The following ASIC2 variants were observed in gnomAD, a reference collection of about 807,000 sequenced individuals.
The protein encoded by ASIC2 is acid-sensing ion channel 2.
ASIC2 carries 25 observed loss-of-function variants against 57.3 expected under a neutral mutation model. That is an observed-to-expected ratio of 0.44 (90% CI 0.32 to 0.61). The LOEUF (loss-of-function observed/expected upper bound fraction) is 0.61, where lower values mean the gene tolerates loss of function less well. Among genes scored for constraint, ASIC2 ranks in the 20% least tolerant of loss-of-function variants. ASIC2 has a pLI of 0.06. For missense variants in ASIC2, 641 were observed against 738.1 expected, an observed-to-expected ratio of 0.87 and a Z score of 1.52; for synonymous variants, 319 against 307.5, an observed-to-expected ratio of 1.04 and a Z score of -0.39.
chr17:34,045,702 G>A (rs981627956), intron 1 of ASIC2, among the ~76,000 whole-genome samples: 9 of 152,236 alleles, frequency 5.9e-5, no homozygotes, highest in African/African-American at 1.4e-4. Context: ...GTAACACATC[G>A]ACAAAGACTA....
intron 1 of ASIC2, among the ~76,000 whole-genome samples, chr17:34,060,224 G>A (rs1395373282): frequency 6.6e-6 from 1 of 152,208 alleles, no homozygotes; most frequent in South Asian, 2.1e-4. Context: ...TCACTGGGTG[G>A]CTAGACCCAG....
intron 1 of ASIC2, among the ~76,000 whole-genome samples, chr17:33,775,097 C>T (rs1430444114): frequency 6.6e-6 from 1 of 152,166 alleles, no homozygotes; most frequent in Non-Finnish European, 1.5e-5. Flanking sequence ...GCGATCCCAT[C>T]CGGGCTTGGG....
At position 34,082,658 on chromosome 17, in the gene ASIC2, C is replaced by T. The variant is rs1015128801; in HGVS notation, c.555+73320G>A. On this transcript the variant is annotated intron_variant, in intron 1 of 9. Transcript: ENST00000359872. ...TAATGACAACCTCCACAACAGTTTC[C>T]ACTTACTGAACACTTGCTATGTGCT... Among the ~76,000 whole-genome samples, 6 of 152,338 alleles carry T rather than the reference C, an allele frequency of 3.9e-5. No homozygotes were observed. The East Asian group carries it at 5.8e-4, about 15-fold the overall frequency.
At chr17:33,869,929 A>G (rs1914348165) in intron 1 of ASIC2, among the ~76,000 whole-genome samples, 1 of 152,242 alleles carries the variant, frequency 6.6e-6, no homozygotes, top group Non-Finnish European at 1.5e-5. Flanking sequence ...TACACTGAAA[A>G]ACAAACAAAA....
chr17:33,278,540 G>A (rs781372983), intron 1 of ASIC2, among the ~76,000 whole-genome samples: 46 of 151,826 alleles, frequency 3.0e-4, no homozygotes, highest in Non-Finnish European at 5.7e-4. Flanking sequence ...TGATTCAATA[G>A]TTCTGGTTTG....
chr17:34,010,110 G>A (rs1488756235), intron 1 of ASIC2, among the ~76,000 whole-genome samples: 1 of 152,186 alleles, frequency 6.6e-6, no homozygotes, highest in East Asian at 1.9e-4. Flanking sequence ...CCACGTATCT[G>A]GTTTTGCTCC....
chr17:33,446,831 G>A (rs772651888), intron 1 of ASIC2, among the ~76,000 whole-genome samples: 9 of 152,290 alleles, frequency 5.9e-5, no homozygotes, highest in Middle Eastern at 3.4e-3. Flanking sequence ...AATTCTTGGC[G>A]CTGCCTCTTA....
rs190590406 is a variant in ASIC2 at position 34,058,752 on chromosome 17, G to A, written c.555+97226C>T. Among the ~76,000 whole-genome samples, 8 of 152,194 alleles carry A rather than the reference G, an allele frequency of 5.3e-5. No individual in the cohort carries two copies. The East Asian group carries it at 1.3e-3, about 26-fold the overall frequency. On this transcript the variant is annotated intron_variant, in intron 1 of 9. Coordinates refer to the ASIC2 transcript ENST00000359872. ...CTTAAGATAGGAGGGGAGGGGAGGA[G>A]AGCAGAGCTAGCTGGTCTTCCAGGG...
chr17:33,986,230 G>A (rs1475562476), intron 1 of ASIC2, among the ~76,000 whole-genome samples: 1 of 150,008 alleles, frequency 6.7e-6, no homozygotes. Context: ...GCAGTATTAT[G>A]AGTACCTGGA....
intron 1 of ASIC2, among the ~76,000 whole-genome samples, chr17:33,865,259 T>C (rs1914199857): frequency 6.6e-6 from 1 of 152,220 alleles, no homozygotes; most frequent in Non-Finnish European, 1.5e-5. Context: ...GTTCCAATTA[T>C]GTGAATTGTA....
At chr17:33,244,964 T>G (rs1360872953) in intron 1 of ASIC2, among the ~76,000 whole-genome samples, 6 of 152,216 alleles carry the variant, frequency 3.9e-5, no homozygotes, top group African/African-American at 1.4e-4. Flanking sequence ...CTCAGCACTC[T>G]TGGTCTCATC....
At chr17:33,256,008 C>A (rs1176202738) in intron 1 of ASIC2, among the ~76,000 whole-genome samples, 1 of 152,012 alleles carries the variant, frequency 6.6e-6, no homozygotes, top group Non-Finnish European at 1.5e-5. Context: ...TTAATTCACA[C>A]TAGGAAAAAA....
intron 3 of ASIC2, among the ~76,000 whole-genome samples, chr17:33,044,593 C>T (rs1466908085): frequency 6.6e-6 from 1 of 152,116 alleles, no homozygotes; most frequent in Non-Finnish European, 1.5e-5. Flanking sequence ...AACTCCTGAC[C>T]TCAAATGATC....
intron 1 of ASIC2, among the ~76,000 whole-genome samples, chr17:33,236,972 T>C (rs1394785810): frequency 6.6e-6 from 1 of 152,164 alleles, no homozygotes; most frequent in East Asian, 1.9e-4. Flanking sequence ...CCACATGTTT[T>C]GTGGTAATTT....
intron 1 of ASIC2, among the ~76,000 whole-genome samples, chr17:33,604,450 C>T (rs1319915641): frequency 2.6e-5 from 4 of 152,178 alleles, no homozygotes. Flanking sequence ...CCGCTGGAAA[C>T]TCCCTTACCA....
At chr17:33,404,534 G>A (rs117123563) in intron 1 of ASIC2, among the ~76,000 whole-genome samples, 389 of 152,322 alleles carry the variant, frequency 2.6e-3, no homozygotes, top group Non-Finnish European at 4.6e-3. Context: ...AACATCTGAA[G>A]CAGATGGCTC....
chr17:33,757,149 T>A (rs1377160780), intron 1 of ASIC2, among the ~76,000 whole-genome samples: 1 of 152,190 alleles, frequency 6.6e-6, no homozygotes, highest in Non-Finnish European at 1.5e-5. Flanking sequence ...CTAGAATCCT[T>A]CCTGCCCTTC....
chr17:33,556,508 C>T (rs904184978), intron 1 of ASIC2, among the ~76,000 whole-genome samples: 5 of 152,176 alleles, frequency 3.3e-5, no homozygotes, highest in African/African-American at 4.8e-5. Flanking sequence ...TTACTTAGAG[C>T]TTAAATACGT....
At chr17:33,778,671 C>G (rs78599465) in intron 1 of ASIC2, among the ~76,000 whole-genome samples, 5,036 of 152,272 alleles carry the variant, frequency 0.033, 281 homozygotes, top group African/African-American at 0.11. Flanking sequence ...TTCTTCACTT[C>G]TCTACTGGGT....
Sources: gnomAD v4.1 joint callset for allele counts (sites outside exome capture counted in the v4.1 genomes callset) on GRCh38, gnomAD v4.1.1 for gene constraint, MANE v1.5 for transcripts, NCBI Gene and HGNC (gene_info 2026-07-23, HGNC 2026-07-21) for gene names.